The following GRB14 variants were observed in gnomAD, a reference collection of about 807,000 sequenced individuals.
GRB14 encodes the protein growth factor receptor bound protein 14, also known as growth factor receptor-bound protein 14.
In GRB14, 38 loss-of-function variants were observed where a neutral mutation model predicts 69.1. That is an observed-to-expected ratio of 0.55 (90% CI 0.42 to 0.72). The LOEUF (loss-of-function observed/expected upper bound fraction) is 0.72, where lower values mean the gene tolerates loss of function less well. GRB14 is among the 30% of genes least tolerant of loss of function. The probability of loss-of-function intolerance (pLI) is 0.00; values close to 1 mark genes in which losing one functional copy is unlikely to be tolerated. For missense variants in GRB14, 666 were observed against 666.1 expected (o/e 1.00, Z 0.00); for synonymous variants, 247 against 241.3 (o/e 1.02, Z -0.22).
intron 2 of GRB14, among the ~76,000 whole-genome samples, chr2:164,616,759 T>C (rs1690308133): frequency 6.6e-6 from 1 of 152,236 alleles, no homozygotes; most frequent in South Asian, 2.1e-4. Flanking sequence ...TTCTTCACTT[T>C]TTCTGTGGAG....
chr2:164,503,421 T>C (rs1355116115), intron 8 of GRB14, among the ~76,000 whole-genome samples: 1 of 112,960 alleles, frequency 8.9e-6, no homozygotes, highest in Non-Finnish European at 1.6e-5. Context: ...TCTAGCACAA[T>C]GGGTATATTT....
intron 3 of GRB14, among the ~76,000 whole-genome samples, chr2:164,531,392 CTTGT>C (rs1224275950): frequency 6.6e-6 from 1 of 152,158 alleles, no homozygotes; most frequent in Non-Finnish European, 1.5e-5. Context: ...AACAAAGATG[CTTGT>C]TTGTTTGTTT....
intron 6 of GRB14, among the ~76,000 whole-genome samples, chr2:164,511,137 A>G (rs1317677377): frequency 6.6e-6 from 1 of 152,126 alleles, no homozygotes; most frequent in East Asian, 1.9e-4. Flanking sequence ...CCAACTGCGG[A>G]CTAAACTGCT....
At chr2:164,605,343 A>C (rs1221920496) in intron 2 of GRB14, among the ~76,000 whole-genome samples, 2 of 152,146 alleles carry the variant, frequency 1.3e-5, no homozygotes, top group Non-Finnish European at 2.9e-5. Context: ...ATGAGAGAAG[A>C]AGCAAGTTTA....
intron 6 of GRB14, among the ~76,000 whole-genome samples, chr2:164,512,658 C>G (rs929965384): frequency 2.0e-5 from 3 of 152,086 alleles, no homozygotes; most frequent in Non-Finnish European, 4.4e-5. Flanking sequence ...AAGCATTATA[C>G]CACAAGGAAA....
chr2:164,586,190 G>C (rs1393416749), intron 2 of GRB14, among the ~76,000 whole-genome samples: 1 of 152,204 alleles, frequency 6.6e-6, no homozygotes, highest in Non-Finnish European at 1.5e-5. Flanking sequence ...TCCAAGGAAA[G>C]AGCATGGGAT....
At chr2:164,618,613 C>T (rs1394026286) in intron 2 of GRB14, among the ~76,000 whole-genome samples, 1 of 152,102 alleles carries the variant, frequency 6.6e-6, no homozygotes, top group Non-Finnish European at 1.5e-5. Flanking sequence ...CAAGCCCCTC[C>T]CCCCAAAAAT....
chr2:164,548,895 GT>G (rs1248052271), intron 2 of GRB14, among the ~76,000 whole-genome samples: 2 of 151,850 alleles, frequency 1.3e-5, no homozygotes, highest in Admixed American at 6.6e-5. Context: ...TTTTGAAGGA[GT>G]TTCATTCTTT....
At chr2:164,501,775 T>C (rs1687059327) in intron 9 of GRB14, among the ~76,000 whole-genome samples, 1 of 152,046 alleles carries the variant, frequency 6.6e-6, no homozygotes. Flanking sequence ...AGAGCTCACA[T>C]GTGTATACTG....
intron 3 of GRB14, among the ~76,000 whole-genome samples, chr2:164,544,676 G>A (rs1172606567): frequency 2.0e-5 from 3 of 152,138 alleles, no homozygotes; most frequent in African/African-American, 4.8e-5. Flanking sequence ...AGAAGCAAGC[G>A]TCCTTGGCAG....
chr2:164,570,275 TAA>T (rs35918859), intron 2 of GRB14, among the ~76,000 whole-genome samples: 1,787 of 57,116 alleles, frequency 0.031, 35 homozygotes, highest in African/African-American at 0.11. Context: ...AGACTCCATC[TAA>T]AAAAAAAAAA....
chr2:164,523,466 T>A (rs944667334), intron 5 of GRB14, among the ~76,000 whole-genome samples: 3 of 150,708 alleles, frequency 2.0e-5, no homozygotes, highest in Admixed American at 6.6e-5. Context: ...ATGGAAAAAA[T>A]TTGAAATAAG....
chr2:164,493,076 G>A lies in GRB14; in HGVS notation c.1583C>T (p.Pro528Leu). The change falls in exon 14 of 14, where the codon CCT becomes CTT. Residue 528 changes from proline to leucine, a missense_variant. Coordinates refer to ENST00000263915, the MANE Select transcript of GRB14 (RefSeq NM_004490.3). Reference protein sequence around the residue: ...EFYQLNKGVLPCKLKHYCARI... With the variant: ...EFYQLNKGVLLCKLKHYCARI... ...AGCACAATAATGTTTCAACTTGCAA[G>A]GAAGAACGCCCTTATTGAGTTGATA... 1 of 1,613,506 alleles carries A rather than the reference G, an allele frequency of 6.2e-7. No homozygotes were observed. The highest frequency in any genetic ancestry group is 1.1e-5 in the South Asian group (1 of 91,058).
chr2:164,503,616 G>A (rs1164892243), intron 8 of GRB14, among the ~76,000 whole-genome samples: 1 of 151,958 alleles, frequency 6.6e-6, no homozygotes. Flanking sequence ...TTAATTTAAG[G>A]TTTGATTGAC....
chr2:164,537,542 G>A (rs1316460184), intron 3 of GRB14, among the ~76,000 whole-genome samples: 1 of 152,110 alleles, frequency 6.6e-6, no homozygotes, highest in Non-Finnish European at 1.5e-5. Context: ...AGAGGACCTT[G>A]GATCCAAATG....
intron 2 of GRB14, among the ~76,000 whole-genome samples, chr2:164,552,327 A>T (rs560792996): frequency 1.2e-4 from 19 of 152,360 alleles, no homozygotes; most frequent in African/African-American, 3.8e-4. Flanking sequence ...AGGGTGATAC[A>T]TGACTTAATA....
chr2:164,516,392 G>A (rs948308502), intron 6 of GRB14, among the ~76,000 whole-genome samples: 6 of 151,960 alleles, frequency 3.9e-5, no homozygotes, highest in Non-Finnish European at 7.4e-5. Flanking sequence ...AGAGGCTAAG[G>A]CAGGAGAATC....
chr2:164,566,442 T>A (rs1164159031), intron 2 of GRB14, among the ~76,000 whole-genome samples: 1 of 152,106 alleles, frequency 6.6e-6, no homozygotes, highest in Non-Finnish European at 1.5e-5. Context: ...TAGCATAGAC[T>A]TGAGTCTAGG....
chr2:164,620,053 T>TC, intron 1 of GRB14: 1 of 111,048 alleles, frequency 9.0e-6, no homozygotes, highest in African/African-American at 5.8e-5. Context: ...TCTCTCTCTC[T>TC]CTCTCTCTCC....
Sources: gnomAD v4.1 joint callset for allele counts (sites outside exome capture counted in the v4.1 genomes callset) on GRCh38, gnomAD v4.1.1 for gene constraint, MANE v1.5 for transcripts, NCBI Gene and HGNC (gene_info 2026-07-23, HGNC 2026-07-21) for gene names.